USP30: variants seen among roughly 807,000 people sequenced by gnomAD.
USP30 encodes ubiquitin specific peptidase 30.
USP30 carries 41 observed loss-of-function variants against 68.2 expected under a neutral mutation model. That is an observed-to-expected ratio of 0.60 (90% CI 0.47 to 0.78). The LOEUF (loss-of-function observed/expected upper bound fraction) is 0.78. Ranked by LOEUF, USP30 falls within the 30% of genes least tolerant of loss-of-function variation. The pLI, the probability that USP30 is intolerant of heterozygous loss-of-function variation, is 0.00. For synonymous variants in USP30, 229 were observed against 253.7 expected, an observed-to-expected ratio of 0.90 and a Z score of 0.93; for missense variants, 522 against 649.4, an observed-to-expected ratio of 0.80 and a Z score of 2.13.
chr12:109,081,839 A>G, intron 8 of USP30, 94 bp from the exon 9 acceptor site: 1 of 1,279,520 alleles, frequency 7.8e-7, no homozygotes, highest in Non-Finnish European at 1.1e-6. Flanking sequence ...TGCATACATC[A>G]AAATAAAGCT....
intron 3 of USP30, among the ~76,000 whole-genome samples, chr12:109,046,048 C>T (rs1010049069): frequency 1.3e-5 from 2 of 148,690 alleles, no homozygotes; most frequent in African/African-American, 5.0e-5. Context: ...AGTCTGCAAG[C>T]AGAATTCCCT....
upstream of USP30, among the ~76,000 whole-genome samples, chr12:109,052,003 C>A (rs2040682760): frequency 6.6e-6 from 1 of 152,218 alleles, no homozygotes; most frequent in African/African-American, 2.4e-5. Flanking sequence ...TCACCACTTA[C>A]AAGCTGCGTC....
Position 109,084,724 on chromosome 12 carries a change from C to G in USP30, c.1169-229C>G, listed in dbSNP as rs554904878. ...GGAAGCTCAAAGATCCCAGGCTAGC[C>G]GTAAAGCTGGAGCTAGATACACTTT... On this transcript the variant is annotated intron_variant, in intron 11 of 12. Transcript: ENST00000257548. Among the ~76,000 whole-genome samples, 13 of 152,270 alleles carry G rather than the reference C, an allele frequency of 8.5e-5. No individual in the cohort carries two copies. The South Asian group carries it at 2.7e-3, about 32-fold the overall frequency.
upstream of USP30, among the ~76,000 whole-genome samples, chr12:109,049,374 A>T (rs2040637318): frequency 1.3e-5 from 2 of 152,234 alleles, no homozygotes; most frequent in South Asian, 4.1e-4. Context: ...AGGGGGGAAC[A>T]GCCAGTCAGT....
At chr12:109,043,175 G>A (rs908094152) in intron 3 of USP30, among the ~76,000 whole-genome samples, 1 of 152,180 alleles carries the variant, frequency 6.6e-6, no homozygotes, top group African/African-American at 2.4e-5. Flanking sequence ...ACTACCCAAA[G>A]TGATCTGTAG....
chr12:109,055,777 A>G (rs1398802509), intron 1 of USP30, among the ~76,000 whole-genome samples: 3 of 150,688 alleles, frequency 2.0e-5, no homozygotes, highest in East Asian at 2.0e-4. Context: ...AACAAAGCAC[A>G]TGCCAGTTGA....
chr12:109,033,384 T>G (rs550821737), intron 3 of USP30, among the ~76,000 whole-genome samples: 2 of 152,354 alleles, frequency 1.3e-5, no homozygotes, highest in African/African-American at 4.8e-5. Context: ...TGGCAAATTC[T>G]GACTGGTGAG....
intron 8 of USP30, 116 bp from the exon 9 acceptor site, chr12:109,081,817 A>G: frequency 1.9e-6 from 2 of 1,056,674 alleles, no homozygotes; most frequent in Non-Finnish European, 2.9e-6. Flanking sequence ...GTGACTATAA[A>G]ACTTTATTGC....
At chr12:109,069,663 T>G (rs2041368687) in intron 4 of USP30, among the ~76,000 whole-genome samples, 1 of 152,006 alleles carries the variant, frequency 6.6e-6, no homozygotes, top group Non-Finnish European at 1.5e-5. Context: ...CAGTGGGGGA[T>G]GAGGATAGCA....
At chr12:109,044,248 A>G (rs886924309) in intron 3 of USP30, among the ~76,000 whole-genome samples, 3 of 152,228 alleles carry the variant, frequency 2.0e-5, no homozygotes, top group African/African-American at 7.2e-5. Context: ...TAACAGGTAC[A>G]GAATTTTAGT....
intron 3 of USP30, among the ~76,000 whole-genome samples, chr12:109,032,268 C>A (rs893730248): frequency 2.2e-4 from 34 of 152,148 alleles, no homozygotes; most frequent in African/African-American, 8.2e-4. Context: ...CATGCCACTG[C>A]ACTCCAGCCT....
intron 8 of USP30, chr12:109,081,623 G>GCA (rs61164773): frequency 0.022 from 10,908 of 499,162 alleles, 71 homozygotes; most frequent in East Asian, 0.071. Context: ...ACGCATGCGC[G>GCA]CACACACACA....
chr12:109,051,957 T>G (rs568720413), upstream of USP30, among the ~76,000 whole-genome samples: 2 of 152,324 alleles, frequency 1.3e-5, no homozygotes, highest in East Asian at 3.9e-4. Flanking sequence ...AGAGTGCCAT[T>G]CTGGAGACAG....
intron 11 of USP30, 130 bp from the exon 12 acceptor site, chr12:109,084,819 CTATA>C: frequency 9.9e-7 from 1 of 1,008,636 alleles, no homozygotes; most frequent in African/African-American, 1.6e-5. Context: ...TTTTATGAAT[CTATA>C]TAATACCAAA....
intron 7 of USP30, 80 bp from the exon 8 acceptor site, chr12:109,081,254 T>C (rs759727832): frequency 1.5e-6 from 2 of 1,350,054 alleles, no homozygotes; most frequent in East Asian, 4.6e-5. Context: ...TTAAACTGTT[T>C]CATAGTCACA....
intron 3 of USP30, among the ~76,000 whole-genome samples, chr12:109,066,664 G>A (rs554363345): frequency 1.3e-5 from 2 of 152,222 alleles, no homozygotes; most frequent in East Asian, 1.9e-4. Context: ...CACCCTGGGC[G>A]ACAGAGCACG....
rs1409038158 is a variant in USP30 at position 109,083,056 on chromosome 12, A to C, written c.1162A>C (p.Thr388Pro). The C allele has an allele frequency of 6.2e-7, 1 of 1,604,052 alleles. No individual in the cohort carries two copies. The highest frequency in any genetic ancestry group is 2.2e-5 in the East Asian group (1 of 44,788). The change falls in exon 11 of 13, where the codon ACA becomes CCA. Residue 388 changes from threonine to proline, a missense_variant. By Grantham distance (38) the Thr-to-Pro change is conservative (BLOSUM62 -1). Transcript: ENST00000257548. ...GCTGCAGGATGGGCCGGGAGCCCCC[A>C]CACCAGGTGTGTGCGCGCGAGGAGC... ...LELQDGPGAP[T>P]PVLNQPGAPK...
At chr12:109,055,394 A>T (rs1357992625) in intron 1 of USP30, among the ~76,000 whole-genome samples, 13 of 49,094 alleles carry the variant, frequency 2.6e-4, no homozygotes, top group Non-Finnish European at 3.4e-4. Context: ...ATATATATAT[A>T]TATATATTTT....
intron 3 of USP30, among the ~76,000 whole-genome samples, chr12:109,040,572 G>A (rs945031405): frequency 2.0e-5 from 3 of 152,116 alleles, no homozygotes; most frequent in African/African-American, 7.2e-5. Flanking sequence ...GGCCTTTTAT[G>A]AGGTTGTAGC....
Sources: gnomAD v4.1 joint callset for allele counts (sites outside exome capture counted in the v4.1 genomes callset) on GRCh38, gnomAD v4.1.1 for gene constraint, MANE v1.5 for transcripts, NCBI Gene and HGNC (gene_info 2026-07-23, HGNC 2026-07-21) for gene names.